The following TRIP12 variants were observed in gnomAD, a reference collection of about 807,000 sequenced individuals.
TRIP12 encodes E3 ubiquitin-protein ligase TRIP12.
Under a neutral mutation model 244.2 loss-of-function variants are expected in TRIP12, and 25 were observed. The ratio of observed to expected loss-of-function variants is 0.10; its 90% confidence interval spans 0.07 to 0.14. The LOEUF (loss-of-function observed/expected upper bound fraction) is 0.14. TRIP12 is among the 10% of genes least tolerant of loss of function. TRIP12 has a pLI of 1.00. For synonymous variants in TRIP12, 905 were observed against 873.1 expected (o/e 1.04, Z -0.64); for missense variants, 1,677 against 2,486.4 (o/e 0.67, Z 6.92).
At chr2:229,820,399 C>A (rs375593604) in intron 8 of TRIP12, among the ~76,000 whole-genome samples, 1 of 152,062 alleles carries the variant, frequency 6.6e-6, no homozygotes, top group Non-Finnish European at 1.5e-5. Context: ...TAACCAAAAC[C>A]TGATTTATCC....
chr2:229,910,201 T>C (rs528770984), intron 1 of TRIP12, among the ~76,000 whole-genome samples: 6 of 152,232 alleles, frequency 3.9e-5, no homozygotes. Flanking sequence ...TGAAGAAATA[T>C]GGAAAACTTC....
At chr2:229,914,993 T>A (rs1021359916) in intron 1 of TRIP12, among the ~76,000 whole-genome samples, 1 of 152,214 alleles carries the variant, frequency 6.6e-6, no homozygotes, top group Non-Finnish European at 1.5e-5. Flanking sequence ...TGGTTCATTC[T>A]TGTAATACCA....
At chr2:229,910,915 C>T (rs944369066) in intron 1 of TRIP12, among the ~76,000 whole-genome samples, 1 of 152,160 alleles carries the variant, frequency 6.6e-6, no homozygotes, top group Non-Finnish European at 1.5e-5. Context: ...GTTAAGACTA[C>T]TGAATCTTCT....
intron 4 of TRIP12, among the ~76,000 whole-genome samples, chr2:229,850,796 G>A (rs1000483768): frequency 1.3e-5 from 2 of 152,230 alleles, no homozygotes; most frequent in Admixed American, 6.5e-5. Flanking sequence ...TGGGCTTGGC[G>A]GGCCCCACAC....
intron 1 of TRIP12, among the ~76,000 whole-genome samples, chr2:229,911,887 G>A (rs368623500): frequency 1.3e-5 from 2 of 151,170 alleles, no homozygotes; most frequent in Non-Finnish European, 1.5e-5. Context: ...AAAAAAACCA[G>A]AAGTATTTAA....
intron 4 of TRIP12, among the ~76,000 whole-genome samples, chr2:229,848,623 G>C (rs1240306305): frequency 6.6e-6 from 1 of 152,098 alleles, no homozygotes; most frequent in East Asian, 1.9e-4. Context: ...TCAAGAAAGA[G>C]AAAACAAACA....
rs1353471579 is a variant in TRIP12 at position 229,769,418 on chromosome 2, C to T, written c.5809-93G>A. On this transcript the variant is annotated intron_variant, in intron 39 of 41. Transcript: ENST00000675903. ...GTCTACGTGTACCATAAAAGAGTAT[C>T]AGTCTCAGTACTAAAACCTTCTGCT... is the stretch of plus-strand genomic sequence containing the variant. 4.8e-6 allele frequency: 5 copies of T among 1,038,806 alleles called. No homozygotes were observed. In the African/African-American group the frequency reaches 8.2e-5, roughly 17 times the overall value. The allele number at this position is 1,038,806 out of a possible 1,614,324, so 64.3% of individuals were successfully genotyped here.
At chr2:229,839,713 C>T (rs570489296) in intron 5 of TRIP12, among the ~76,000 whole-genome samples, 1 of 151,360 alleles carries the variant, frequency 6.6e-6, no homozygotes, top group Admixed American at 6.6e-5. Context: ...GCATGACTTA[C>T]ACAAAGACGG....
chr2:229,897,443 T>C (rs552121294), intron 1 of TRIP12, among the ~76,000 whole-genome samples: 2 of 151,948 alleles, frequency 1.3e-5, no homozygotes, highest in South Asian at 4.2e-4. Context: ...AGGTCAGGAG[T>C]TGGAGACCAG....
Position 229,796,580 on chromosome 2 carries a change from A to G in TRIP12, c.3816+11T>C. 1.3e-6 allele frequency: 2 copies of G among 1,568,796 alleles called. No homozygotes were observed. Among genetic ancestry groups the G allele is most frequent in the Non-Finnish European group, 1.7e-6 (2 of 1,162,200 alleles). ...TCTTAAAAGATACACAGGCATTATTAGATAACTTACTGGAGAAGAAAAAAA... is the reference window on the plus strand; with the variant it reads ...TCTTAAAAGATACACAGGCATTATTGGATAACTTACTGGAGAAGAAAAAAA... On this transcript the variant is annotated intron_variant, in intron 25 of 41. Coordinates refer to ENST00000675903, the MANE Select transcript of TRIP12 (RefSeq NM_001348323.3).
At position 229,791,940 on chromosome 2, in the gene TRIP12, A is replaced by G. The variant is rs1282810767; in HGVS notation, c.4341T>C (p.Asp1447=). The G allele has an allele frequency of 8.7e-6, 14 of 1,614,042 alleles. No homozygotes were observed. The highest frequency in any genetic ancestry group is 1.3e-5 in the African/African-American group (1 of 74,938). ...TCTCATCATCTGTGGATTCTCTTTC[A>G]TCTTCAGCCTGTATACTAAACTGCC... The part of the protein sequence containing the change: ...AVRQFSIQAE[D]ERESTDDESN... Residue 1447 remains aspartate (D), a synonymous_variant, in exon 29 of 42, where the codon GAT becomes GAC. Coordinates refer to ENST00000675903, the MANE Select transcript of TRIP12 (RefSeq NM_001348323.3).
chr2:229,778,702 T>C lies in TRIP12; in HGVS notation c.5210-115A>G. 2 of 1,442,798 alleles carry C rather than the reference T, an allele frequency of 1.4e-6. No individual in the cohort carries two copies. Among genetic ancestry groups the C allele is most frequent in the Non-Finnish European group, 1.9e-6 (2 of 1,062,634 alleles). 89.4% of individuals were successfully genotyped at this position (1,442,798 alleles called of 1,614,324 possible). Reference sequence around the variant, plus strand: ...TTCTCAAAATTGGAGTGCAGATCACTGAATGAAGTCCTCTAGAACTGGACA... The same window carrying C: ...TTCTCAAAATTGGAGTGCAGATCACCGAATGAAGTCCTCTAGAACTGGACA... On this transcript the variant is annotated intron_variant, in intron 35 of 41. Transcript: ENST00000675903. This position sits in a 1 kb window ranked among gnomAD's most constrained non-coding sequence, Gnocchi z 4.1.
intron 2 of TRIP12, among the ~76,000 whole-genome samples, chr2:229,873,168 G>GA (rs1386017019): frequency 6.6e-6 from 1 of 152,036 alleles, no homozygotes; most frequent in Non-Finnish European, 1.5e-5. Context: ...CAAATTAGCA[G>GA]AAAAATGCAA....
At chr2:229,825,398 C>CA (rs2051273955) in intron 8 of TRIP12, among the ~76,000 whole-genome samples, 1 of 152,142 alleles carries the variant, frequency 6.6e-6, no homozygotes, top group African/African-American at 2.4e-5. Flanking sequence ...GGGAAATGAA[C>CA]AATTTCAGGT....
chr2:229,852,652 G>A (rs540627784), intron 4 of TRIP12, among the ~76,000 whole-genome samples: 45 of 152,238 alleles, frequency 3.0e-4, no homozygotes, highest in Admixed American at 6.5e-4. Context: ...AAGTAACACA[G>A]AATGACCTTT....
intron 13 of TRIP12, among the ~76,000 whole-genome samples, 193 bp downstream of exon 13, chr2:229,813,677 G>A (rs1435489639): frequency 2.6e-5 from 4 of 152,022 alleles, no homozygotes; most frequent in East Asian, 1.9e-4. Flanking sequence ...CCAGCTACTC[G>A]GGAAGCTGAG....
intron 4 of TRIP12, among the ~76,000 whole-genome samples, chr2:229,852,734 G>A (rs1007839242): frequency 9.2e-5 from 14 of 152,224 alleles, no homozygotes; most frequent in East Asian, 1.9e-4. Flanking sequence ...CTAAAGTAGC[G>A]GTTTCACTAG....
chr2:229,864,037 AGAGAGAGAGAGTGTGTGT>A (rs1338040766), intron 2 of TRIP12, among the ~76,000 whole-genome samples: 20 of 85,802 alleles, frequency 2.3e-4, no homozygotes, highest in Non-Finnish European at 3.5e-4. Flanking sequence ...AGAGAGAGAG[AGAGAGAGAGAGTGTGTGT>A]GTGTGTGTGT....
At chr2:229,864,001 TGAAAGAGAGAGAGAGAGA>T (rs1168001220) in intron 2 of TRIP12, among the ~76,000 whole-genome samples, 44 of 113,550 alleles carry the variant, frequency 3.9e-4, no homozygotes, top group Middle Eastern at 5.6e-3. Flanking sequence ...AAGATTTGGG[TGAAAGAGAGAGAGAGAGA>T]GAGAGAGAGA....
Sources: allele counts gnomAD v4.1 joint callset (sites outside exome capture counted in the v4.1 genomes callset), GRCh38; gene constraint gnomAD v4.1.1; non-coding constraint Gnocchi (gnomAD v3.1); transcripts MANE v1.5; gene names NCBI Gene and HGNC (gene_info 2026-07-23, HGNC 2026-07-21).